Variants in CD44 observed in about 807,000 individuals in gnomAD.
CD44 encodes the protein CD44 molecule (IN blood group), also known as CD44 antigen.
Under a neutral mutation model 88.8 loss-of-function variants are expected in CD44, and 49 were observed. The ratio of observed to expected loss-of-function variants is 0.55; its 90% CI spans 0.44 to 0.70. The LOEUF (loss-of-function observed/expected upper bound fraction) is 0.70. Among genes scored for constraint, CD44 ranks in the 30% least tolerant of loss-of-function variants. The pLI is 0.00. For missense variants in CD44, 883 were observed against 913.8 expected (o/e 0.97, Z 0.43); for synonymous variants, 325 against 312.3 (o/e 1.04, Z -0.43).
At chr11:35,217,828 C>CT (rs1297756516) in intron 15 of CD44, among the ~76,000 whole-genome samples, 1 of 152,156 alleles carries the variant, frequency 6.6e-6, no homozygotes, top group Non-Finnish European at 1.5e-5. Flanking sequence ...TGGTGGAACA[C>CT]TTTCAAATTT....
chr11:35,211,674 ATG>A (rs57790931), intron 14 of CD44, among the ~76,000 whole-genome samples: 65,933 of 148,836 alleles, frequency 0.44, 15,654 homozygotes, highest in East Asian at 0.77. Flanking sequence ...CTGTGTTTGC[ATG>A]TGTGTGTGTG....
intron 1 of CD44, among the ~76,000 whole-genome samples, chr11:35,150,062 T>C (rs1166592186): frequency 1.0e-5 from 1 of 96,702 alleles, no homozygotes; most frequent in Non-Finnish European, 2.0e-5. Context: ...ACTCTTTATA[T>C]TGTACTTTAA....
chr11:35,225,038 CT>C (rs1949597262), intron 17 of CD44, among the ~76,000 whole-genome samples: 1 of 128,524 alleles, frequency 7.8e-6, no homozygotes, highest in Non-Finnish European at 1.8e-5. Flanking sequence ...TGCAATAGAA[CT>C]TTCTGTGATG....
At chr11:35,141,192 G>A (rs75019136) in intron 1 of CD44, among the ~76,000 whole-genome samples, 28 of 152,302 alleles carry the variant, frequency 1.8e-4, no homozygotes, top group African/African-American at 5.5e-4. Context: ...GCTTAGAGAC[G>A]TTAAGTGACT....
At chr11:35,183,324 T>C (rs532794237) in intron 3 of CD44, among the ~76,000 whole-genome samples, 4 of 143,794 alleles carry the variant, frequency 2.8e-5, no homozygotes, top group Non-Finnish European at 6.0e-5. Context: ...AACAATCTTG[T>C]TGAAGCAATG....
intron 9 of CD44, among the ~76,000 whole-genome samples, chr11:35,204,001 A>G (rs1397482211): frequency 2.6e-5 from 4 of 152,142 alleles, no homozygotes; most frequent in African/African-American, 4.8e-5. Flanking sequence ...CCATCCCACC[A>G]TCTTTCCTGC....
intron 17 of CD44, chr11:35,222,266 G>A: frequency 2.1e-6 from 1 of 479,840 alleles, no homozygotes; most frequent in Non-Finnish European, 4.0e-6. Context: ...CCAGAAGGAA[G>A]TATTGGCCTT....
chr11:35,181,972 T>TAA, intron 3 of CD44, among the ~76,000 whole-genome samples: 1 of 105,194 alleles, frequency 9.5e-6, no homozygotes, highest in Non-Finnish European at 1.8e-5. Flanking sequence ...TATATATAAA[T>TAA]ATTATATATT....
chr11:35,157,203 T>A (rs1313794485), intron 1 of CD44, among the ~76,000 whole-genome samples: 1 of 152,184 alleles, frequency 6.6e-6, no homozygotes, highest in African/African-American at 2.4e-5. Context: ...CATATCCACT[T>A]CAGTATTGGG....
chr11:35,218,712 G>C (rs1949043504), intron 15 of CD44, among the ~76,000 whole-genome samples: 1 of 152,132 alleles, frequency 6.6e-6, no homozygotes, highest in Non-Finnish European at 1.5e-5. Context: ...AGTCCCCTGG[G>C]GGTCTTGTTA....
intron 3 of CD44, among the ~76,000 whole-genome samples, chr11:35,181,881 T>C (rs1489875068): frequency 1.5e-5 from 1 of 66,124 alleles, no homozygotes; most frequent in African/African-American, 7.4e-5. Context: ...ATATTATATA[T>C]AATTCTATAT....
At chr11:35,223,409 A>G (rs1012698555) in intron 17 of CD44, 7 of 416,148 alleles carry the variant, frequency 1.7e-5, no homozygotes, top group Non-Finnish European at 2.3e-5. Context: ...ACATGTCACC[A>G]TAGAAACGCT....
At chr11:35,147,582 G>C (rs1279631013) in intron 1 of CD44, among the ~76,000 whole-genome samples, 1 of 151,914 alleles carries the variant, frequency 6.6e-6, no homozygotes, top group South Asian at 2.1e-4. Context: ...CTGGGAATGA[G>C]GACTCATCCC....
intron 17 of CD44, among the ~76,000 whole-genome samples, chr11:35,228,577 G>A (rs1949877111): frequency 6.6e-6 from 1 of 152,210 alleles, no homozygotes; most frequent in African/African-American, 2.4e-5. Context: ...GATAGAAAGA[G>A]AATCAGAACT....
chr11:35,208,771 C>T (rs1249333080), intron 12 of CD44, among the ~76,000 whole-genome samples: 13 of 152,154 alleles, frequency 8.5e-5, no homozygotes, highest in Admixed American at 8.5e-4. Context: ...TGTTCAAATT[C>T]TAGTAGCCTT....
intron 5 of CD44, among the ~76,000 whole-genome samples, chr11:35,192,063 G>C (rs1400956316): frequency 6.6e-6 from 1 of 152,176 alleles, no homozygotes; most frequent in African/African-American, 2.4e-5. Flanking sequence ...TTAGAAATCA[G>C]GGAAAAGGAG....
intron 3 of CD44, among the ~76,000 whole-genome samples, chr11:35,181,672 ATATATATATTTATATATATATTTATT>A (rs1410647009): frequency 2.5e-4 from 33 of 129,748 alleles, no homozygotes; most frequent in African/African-American, 8.8e-4. Context: ...ACATATACAT[ATATATATATTTATATATATATTTATT>A]TATATATATT....
At chr11:35,216,315 G>A (rs938249548) in intron 15 of CD44, among the ~76,000 whole-genome samples, 1 of 152,000 alleles carries the variant, frequency 6.6e-6, no homozygotes, top group African/African-American at 2.4e-5. Context: ...GCCTTACTGT[G>A]GTCTCCCTGA....
intron 1 of CD44, chr11:35,139,637 G>A: frequency 1.4e-6 from 1 of 724,744 alleles, no homozygotes. Flanking sequence ...GGGCGAGGTC[G>A]CTAGAGCTGC....
Sources: gnomAD v4.1 joint callset for allele counts (sites outside exome capture counted in the v4.1 genomes callset) on GRCh38, gnomAD v4.1.1 for gene constraint, MANE v1.5 for transcripts, NCBI Gene and HGNC (gene_info 2026-07-23, HGNC 2026-07-21) for gene names.